ACSS2: variants seen among roughly 807,000 people sequenced by gnomAD.
ACSS2 encodes acetyl-coenzyme A synthetase, cytoplasmic.
ACSS2 carries 58 observed loss-of-function variants against 90.6 expected under a neutral mutation model. That is an observed-to-expected ratio of 0.64 (90% CI 0.52 to 0.80). The LOEUF (loss-of-function observed/expected upper bound fraction) is 0.80, where lower values mean the gene tolerates loss of function less well. Among genes scored for constraint, ACSS2 ranks in the 30% least tolerant of loss-of-function variants. ACSS2 has a pLI of 0.00. For missense variants in ACSS2, 759 were observed against 912.0 expected (o/e 0.83, Z 2.16); for synonymous variants, 300 against 330.9 (o/e 0.91, Z 1.01).
At chr20:34,891,846 A>G (rs1482429406) in intron 2 of ACSS2, among the ~76,000 whole-genome samples, 2 of 152,118 alleles carry the variant, frequency 1.3e-5, no homozygotes, top group Non-Finnish European at 2.9e-5. Flanking sequence ...TTTCCGAGTC[A>G]CTTTTTTTGG....
chr20:34,877,136 T>G (rs533560797), intron 1 of ACSS2, among the ~76,000 whole-genome samples: 29 of 150,714 alleles, frequency 1.9e-4, no homozygotes, highest in Admixed American at 6.6e-4. Context: ...GCCAAGAGAG[T>G]GAAAGTTTCA....
chr20:34,876,344 T>G (rs1275902382), upstream of ACSS2: 5 of 253,346 alleles, frequency 2.0e-5, no homozygotes, highest in East Asian at 1.3e-4. Context: ...ACCCTCTCCC[T>G]TGTCACACCC....
chr20:34,885,611 G>A (rs2080173181), intron 2 of ACSS2, among the ~76,000 whole-genome samples: 1 of 152,320 alleles, frequency 6.6e-6, no homozygotes, highest in East Asian at 1.9e-4. Context: ...GATTCCCAAT[G>A]TGTATTAGCA....
intron 2 of ACSS2, among the ~76,000 whole-genome samples, chr20:34,892,589 A>G (rs1461463363): frequency 1.3e-5 from 2 of 152,166 alleles, no homozygotes; most frequent in Non-Finnish European, 1.5e-5. Context: ...CTCAATTTTC[A>G]TGTCTGTAAA....
At chr20:34,924,682 TTTGTTG>T (rs72042821) in intron 14 of ACSS2, among the ~76,000 whole-genome samples, 36 of 149,380 alleles carry the variant, frequency 2.4e-4, no homozygotes, top group South Asian at 1.5e-3. Flanking sequence ...AAACCTTTTT[TTTGTTG>T]TTGTTGTTGT....
intron 7 of ACSS2, among the ~76,000 whole-genome samples, chr20:34,914,924 C>T (rs1274764806): frequency 6.6e-6 from 1 of 152,156 alleles, no homozygotes; most frequent in African/African-American, 2.4e-5. Context: ...TGATGGCCTC[C>T]AGGCTGAGCA....
At chr20:34,894,473 G>C (rs780336678) in intron 2 of ACSS2, among the ~76,000 whole-genome samples, 2 of 151,918 alleles carry the variant, frequency 1.3e-5, no homozygotes, top group Non-Finnish European at 2.9e-5. Flanking sequence ...CTGGGTGACA[G>C]AGTGAGACTC....
rs1318799483 is a variant in ACSS2, at chr20:34,927,184, C to T, written c.2076C>T (p.Leu692=). The change falls in exon 18 of 18, where the codon CTC becomes CTT. Residue 692 remains leucine (L), a synonymous_variant. Transcript: ENST00000360596. This position sits in a 1 kb window ranked among gnomAD's most constrained non-coding sequence, Gnocchi z 4.2. ...TVADPSVISH[L]FSHRCLTIQ ...CTGACCCATCTGTCATCAGTCACCT[C>T]TTCAGCCACCGCTGCCTGACCATCC... 6.2e-7 allele frequency: 1 copy of T among 1,614,064 alleles called. No individual in the cohort carries two copies. Among genetic ancestry groups the T allele is most frequent in the South Asian group, 1.1e-5 (1 of 91,076 alleles).
intron 8 of ACSS2, 21 bp from the exon 9 acceptor site, chr20:34,920,491 AGTAGGGGTGGGCATAAGACCCTAACCT>A (rs1389213064): frequency 1.3e-6 from 2 of 1,579,822 alleles, no homozygotes; most frequent in African/African-American, 2.7e-5. Context: ...TTTGGTGGTC[AGTAGGGGTGGGCATAAGACCCTAACCT>A]GTTCCCCATT....
intron 2 of ACSS2, among the ~76,000 whole-genome samples, chr20:34,907,229 C>T (rs2080829881): frequency 6.6e-6 from 1 of 151,824 alleles, no homozygotes; most frequent in African/African-American, 2.4e-5. Flanking sequence ...GTGATCCTCC[C>T]ACCACAGCCT....
chr20:34,875,110 G>A (rs779426697), upstream of ACSS2: 16 of 534,640 alleles, frequency 3.0e-5, no homozygotes, highest in Middle Eastern at 6.4e-4. Context: ...ATGATGGTGA[G>A]GTGGGCACTT....
chr20:34,903,126 G>A (rs2080709861), intron 2 of ACSS2, among the ~76,000 whole-genome samples: 1 of 151,902 alleles, frequency 6.6e-6, no homozygotes, highest in African/African-American at 2.4e-5. Flanking sequence ...CAAATCACTT[G>A]AGGTCAGGAG....
chr20:34,879,506 C>CACACAA (rs1316486060), intron 1 of ACSS2, among the ~76,000 whole-genome samples: 7 of 138,138 alleles, frequency 5.1e-5, no homozygotes, highest in Non-Finnish European at 1.1e-4. Flanking sequence ...GACACACACA[C>CACACAA]ACACACACAC....
At chr20:34,925,895 G>C in intron 15 of ACSS2, 129 bp downstream of exon 15, 1 of 1,190,692 alleles carries the variant, frequency 8.4e-7, no homozygotes, top group Non-Finnish European at 1.2e-6. Flanking sequence ...ATTCAGTTCT[G>C]GGCCCAGGTT....
intron 14 of ACSS2, 48 bp from the exon 15 acceptor site, chr20:34,925,650 T>C (rs1363081865): frequency 1.3e-6 from 2 of 1,569,622 alleles, no homozygotes; most frequent in African/African-American, 2.7e-5. Flanking sequence ...GTGGATCAGG[T>C]ATCCTACCGT....
chr20:34,876,663 G>A lies in ACSS2; in HGVS notation c.18G>A (p.Glu6=). 1 of 1,393,030 alleles carries A rather than the reference G, an allele frequency of 7.2e-7. No homozygotes were observed. Among genetic ancestry groups the A allele is most frequent in the South Asian group, 1.6e-5 (1 of 61,650 alleles). 86.3% of individuals were successfully genotyped at this position (1,393,030 alleles called of 1,614,324 possible). The change falls in exon 1 of 18, where the codon GAG becomes GAA. Residue 6 remains glutamate (E), a synonymous_variant. Transcript: ENST00000360596. ...TTGACGTGATGGGGCTTCCTGAGGA[G>A]CGGGTCCGGAGCGGCAGCGGGAGCC... MGLPE[E]RVRSGSGSRG... is the part of the protein sequence containing the mutation.
intron 2 of ACSS2, among the ~76,000 whole-genome samples, chr20:34,899,022 C>A (rs569526966): frequency 1.3e-5 from 2 of 152,360 alleles, no homozygotes; most frequent in South Asian, 4.1e-4. Flanking sequence ...GTACCCAGTA[C>A]ACCCTCCGCA....
intron 2 of ACSS2, among the ~76,000 whole-genome samples, chr20:34,892,669 A>G (rs937041896): frequency 2.0e-5 from 3 of 152,260 alleles, no homozygotes; most frequent in Non-Finnish European, 4.4e-5. Flanking sequence ...TAAAGGGCTT[A>G]GTGCTTGGCA....
chr20:34,924,735 T>C (rs1005558834), intron 14 of ACSS2, among the ~76,000 whole-genome samples: 4 of 151,896 alleles, frequency 2.6e-5, no homozygotes, highest in Non-Finnish European at 4.4e-5. Context: ...AATCTCACTC[T>C]GTCACCCAGG....
Sources: gnomAD v4.1 joint callset for allele counts (sites outside exome capture counted in the v4.1 genomes callset) on GRCh38, gnomAD v4.1.1 for gene constraint, Gnocchi (gnomAD v3.1) non-coding constraint, MANE v1.5 for transcripts, NCBI Gene and HGNC (gene_info 2026-07-23, HGNC 2026-07-21) for gene names.